SOX5: variants seen among roughly 807,000 people sequenced by gnomAD.
SOX5 encodes the protein transcription factor SOX-5.
Under a neutral mutation model 92.0 loss-of-function variants are expected in SOX5, and 9 were observed. The observed-to-expected ratio is 0.10, with a 90% CI of 0.06 to 0.17. The LOEUF (loss-of-function observed/expected upper bound fraction) is 0.17, where lower values mean the gene tolerates loss of function less well. SOX5 is among the 10% of genes least tolerant of loss of function. The probability of loss-of-function intolerance (pLI) is 1.00; values close to 1 mark genes in which losing one functional copy is unlikely to be tolerated. For missense variants in SOX5, 642 were observed against 944.5 expected (o/e 0.68, Z 4.20); for synonymous variants, 344 against 336.3 (o/e 1.02, Z -0.25).
chr12:23,763,669 T>A (rs1251316653), intron 3 of SOX5, among the ~76,000 whole-genome samples: 1 of 152,078 alleles, frequency 6.6e-6, no homozygotes, highest in Non-Finnish European at 1.5e-5. Context: ...TTTTTCTTTG[T>A]TTGACAGTTG....
At chr12:23,608,115 G>GAAAAAAAAAAAAAAAAAAAAA (rs772255622) in intron 8 of SOX5, among the ~76,000 whole-genome samples, 1 of 44,064 alleles carries the variant, frequency 2.3e-5, no homozygotes. Context: ...AAAGAAAAAA[G>GAAAAAAAAAAAAAAAAAAAAA]AAAAAAAAAA....
intron 9 of SOX5, among the ~76,000 whole-genome samples, chr12:23,580,005 T>G (rs994601888): frequency 6.6e-6 from 1 of 152,068 alleles, no homozygotes; most frequent in Non-Finnish European, 1.5e-5. Flanking sequence ...TTTAGTTATC[T>G]GCCTAGTAGC....
At chr12:23,796,206 TG>T (rs911243142) in intron 3 of SOX5, among the ~76,000 whole-genome samples, 2 of 152,144 alleles carry the variant, frequency 1.3e-5, no homozygotes, top group Admixed American at 6.6e-5. Context: ...AAATCTTGCC[TG>T]GCAGCTGAAT....
chr12:24,223,812 T>TAC (rs1180875760), intron 3 of SOX5, among the ~76,000 whole-genome samples: 1 of 151,888 alleles, frequency 6.6e-6, no homozygotes, highest in Non-Finnish European at 1.5e-5. Context: ...CAAAAAAACA[T>TAC]ACACACACGA....
chr12:24,449,128 C>G (rs569045491), intron 1 of SOX5, among the ~76,000 whole-genome samples: 1 of 152,328 alleles, frequency 6.6e-6, no homozygotes, highest in East Asian at 1.9e-4. Context: ...TACTCTCTTT[C>G]CTGTAATTTA....
intron 1 of SOX5, among the ~76,000 whole-genome samples, chr12:24,409,259 A>G (rs946676069): frequency 3.3e-5 from 5 of 152,090 alleles, no homozygotes; most frequent in African/African-American, 4.8e-5. Context: ...ACATGTTCTC[A>G]CTCATAAGTG....
chr12:23,856,577 A>C (rs1044619227), intron 2 of SOX5, among the ~76,000 whole-genome samples: 2 of 152,148 alleles, frequency 1.3e-5, no homozygotes, highest in Non-Finnish European at 2.9e-5. Flanking sequence ...ATTAAACCTA[A>C]GATTCAATTC....
chr12:24,117,711 G>A (rs1205786622), intron 4 of SOX5, among the ~76,000 whole-genome samples: 3 of 152,058 alleles, frequency 2.0e-5, no homozygotes, highest in Non-Finnish European at 2.9e-5. Flanking sequence ...GAAATAAGAC[G>A]AGCACAGAAA....
chr12:23,628,609 T>C (rs1005025699), intron 8 of SOX5, among the ~76,000 whole-genome samples: 3 of 152,046 alleles, frequency 2.0e-5, no homozygotes, highest in African/African-American at 7.2e-5. Flanking sequence ...CCTTGTTCAC[T>C]TTCTTCATTC....
chr12:23,661,933 A>T, intron 7 of SOX5, among the ~76,000 whole-genome samples: 1 of 152,338 alleles, frequency 6.6e-6, no homozygotes. Flanking sequence ...ATTTTAAATT[A>T]TCTCTTATAC....
chr12:24,269,773 G>A (rs1200576448), intron 3 of SOX5, among the ~76,000 whole-genome samples: 1 of 146,584 alleles, frequency 6.8e-6, no homozygotes, highest in East Asian at 2.0e-4. Flanking sequence ...TGAACTCCCG[G>A]GCTTAAGGTA....
chr12:23,944,247 G>T (rs1455229754), intron 1 of SOX5: 1 of 152,098 alleles, frequency 6.6e-6, no homozygotes, highest in Non-Finnish European at 1.5e-5. Flanking sequence ...TACAATGAAG[G>T]CGCAAGAGCT....
intron 9 of SOX5, among the ~76,000 whole-genome samples, chr12:23,595,488 T>G (rs540827646): frequency 6.6e-6 from 1 of 151,908 alleles, no homozygotes; most frequent in African/African-American, 2.4e-5. Context: ...CTGGGCGTGG[T>G]GGCACCTGTT....
intron 3 of SOX5, among the ~76,000 whole-genome samples, chr12:23,840,596 G>A (rs11047127): frequency 0.1 from 15,679 of 152,026 alleles, 1,346 homozygotes; most frequent in East Asian, 0.41. Flanking sequence ...ATCAAGCTAC[G>A]GTAATCAAGA....
chr12:24,044,170 CA>C (rs2137030623), intron 4 of SOX5, among the ~76,000 whole-genome samples: 1 of 152,288 alleles, frequency 6.6e-6, no homozygotes, highest in Non-Finnish European at 1.5e-5. Flanking sequence ...TATGTATACG[CA>C]AAATGTATTT....
Position 24,202,803 on chromosome 12 carries a change from C to A in SOX5, c.-2+10540G>T, listed in dbSNP as rs573248872. On this transcript the variant is annotated intron_variant, in intron 4 of 4. Coordinates refer to the SOX5 transcript ENST00000446891. ...CTTTCTCAGTGAATCATATGAGAGGCACATGATGGTGATATATCTCATTAC... is the reference window on the plus strand; with the variant it reads ...CTTTCTCAGTGAATCATATGAGAGGAACATGATGGTGATATATCTCATTAC... Among the ~76,000 whole-genome samples the A allele has an allele frequency of 2.6e-5, 4 of 152,304 alleles. No homozygotes were observed. The East Asian group carries it at 5.8e-4, about 22-fold the overall frequency.
intron 2 of SOX5, among the ~76,000 whole-genome samples, chr12:23,890,257 T>A (rs1595411201): frequency 1.3e-5 from 2 of 151,812 alleles, no homozygotes; most frequent in Admixed American, 1.3e-4. Flanking sequence ...GAGGCGGAAG[T>A]TGCAGCGAGC....
intron 1 of SOX5, among the ~76,000 whole-genome samples, chr12:23,931,520 G>T (rs1236990287): frequency 6.6e-6 from 1 of 151,696 alleles, no homozygotes; most frequent in Non-Finnish European, 1.5e-5. Flanking sequence ...AAAGTAGTTA[G>T]AACACAGAAG....
intron 1 of SOX5, among the ~76,000 whole-genome samples, chr12:23,947,876 TA>T (rs1944869193): frequency 6.6e-6 from 1 of 152,066 alleles, no homozygotes; most frequent in African/African-American, 2.4e-5. Context: ...TGTTAATATG[TA>T]ACTACCTTTT....
Sources: gnomAD v4.1 joint callset for allele counts (sites outside exome capture counted in the v4.1 genomes callset) on GRCh38, gnomAD v4.1.1 for gene constraint, MANE v1.5 for transcripts, NCBI Gene and HGNC (gene_info 2026-07-23, HGNC 2026-07-21) for gene names.